The following ELF5 variants were observed in gnomAD, a reference collection of about 807,000 sequenced individuals.
The protein encoded by ELF5 is ETS-related transcription factor Elf-5.
A neutral mutation model predicts 38.2 loss-of-function variants in ELF5; 31 were observed. The observed-to-expected ratio is 0.81, with a 90% confidence interval of 0.61 to 1.10. The LOEUF (loss-of-function observed/expected upper bound fraction) is 1.10, where lower values mean the gene tolerates loss of function less well. Ranked by LOEUF, ELF5 falls within the 50% of genes least tolerant of loss-of-function variation. The probability of loss-of-function intolerance (pLI) is 0.00; values close to 1 mark genes in which losing one functional copy is unlikely to be tolerated. For synonymous variants in ELF5, 121 were observed against 112.5 expected (o/e 1.08, Z -0.48); for missense variants, 300 against 306.6 (o/e 0.98, Z 0.16).
chr11:34,498,600 G>A (rs1195586174), intron 2 of ELF5, among the ~76,000 whole-genome samples: 1 of 152,164 alleles, frequency 6.6e-6, no homozygotes, highest in Non-Finnish European at 1.5e-5. Context: ...CAAGACTCAA[G>A]CTTCTGAAAC....
chr11:34,489,542 A>G lies in ELF5; in HGVS notation c.406+467T>C, dbSNP rs547522422. ...ACAGGGAAGGTTAATCATCAGCATC[A>G]ACAAGGCTATTTGAGATCCTCCATC... On this transcript the variant is annotated intron_variant, in intron 4 of 6. Coordinates refer to ENST00000257832, the MANE Select transcript of ELF5 (RefSeq NM_001422.4). Among the ~76,000 whole-genome samples, 6 of 152,332 alleles carry G rather than the reference A, an allele frequency of 3.9e-5. No individual in the cohort carries two copies. The South Asian group carries it at 1.2e-3, about 32-fold the overall frequency.
chr11:34,513,584 G>A (rs10836251), intron 1 of ELF5, 93 bp downstream of exon 1: 32,614 of 152,472 alleles, frequency 0.21, 3,805 homozygotes, highest in African/African-American at 0.26. Context: ...CCCTGGAGCT[G>A]GAGATGGACG....
At chr11:34,511,798 C>T in intron 1 of ELF5, 1 of 554,728 alleles carries the variant, frequency 1.8e-6, no homozygotes, top group Non-Finnish European at 3.2e-6. Context: ...AACCACTCAG[C>T]CTTGGCCAGT....
In ELF5 at chr11:34,479,934, T is replaced by C. The variant is rs1243115193; in HGVS notation, c.*284A>G. ...TGATCAGCATCAATGGCATGGGCTG[T>C]TGTCATTCCACAACTCTAGGAAAAT... is the stretch of plus-strand genomic sequence containing the variant. On this transcript the variant is annotated 3_prime_UTR_variant, in exon 7 of 7. Transcript: ENST00000257832. The C allele has an allele frequency of 2.7e-6, 1 of 367,702 alleles. No homozygotes were observed. Among genetic ancestry groups the C allele is most frequent in the East Asian group, 5.8e-5 (1 of 17,158 alleles). The allele number at this position is 367,702 out of a possible 1,614,324, so 22.8% of individuals were successfully genotyped here. A position where few individuals can be genotyped will look rare whatever the true frequency, so the allele number is the denominator to read the frequency against.
intron 4 of ELF5, among the ~76,000 whole-genome samples, chr11:34,488,234 G>C (rs1168938460): frequency 6.6e-6 from 1 of 151,964 alleles, no homozygotes; most frequent in Non-Finnish European, 1.5e-5. Context: ...CTCAAATAGT[G>C]CTCATCACCA....
intron 4 of ELF5, among the ~76,000 whole-genome samples, chr11:34,483,591 T>G (rs745510270): frequency 2.0e-5 from 3 of 152,024 alleles, no homozygotes; most frequent in Non-Finnish European, 4.4e-5. Flanking sequence ...TATACTGTAC[T>G]ATACCACACC....
intron 2 of ELF5, among the ~76,000 whole-genome samples, chr11:34,500,196 C>T (rs1284766196): frequency 1.3e-5 from 2 of 152,084 alleles, no homozygotes; most frequent in Non-Finnish European, 2.9e-5. Context: ...AGAGGAGGCC[C>T]GAGTTAGACA....
intron 4 of ELF5, among the ~76,000 whole-genome samples, chr11:34,488,528 G>A (rs781143325): frequency 1.4e-4 from 21 of 152,172 alleles, no homozygotes; most frequent in Non-Finnish European, 2.9e-4. Context: ...ACAGGGCCTG[G>A]TTCATAGGAA....
chr11:34,502,287 C>A (rs1850491552), intron 2 of ELF5, among the ~76,000 whole-genome samples: 1 of 152,226 alleles, frequency 6.6e-6, no homozygotes, highest in Non-Finnish European at 1.5e-5. Flanking sequence ...TTTAGGAGGG[C>A]CCAGAATTCC....
chr11:34,504,223 C>T (rs1850547824), intron 2 of ELF5, among the ~76,000 whole-genome samples: 1 of 152,246 alleles, frequency 6.6e-6, no homozygotes, highest in Non-Finnish European at 1.5e-5. Flanking sequence ...TTTCCTCCTT[C>T]AGATTTAACC....
At chr11:34,487,505 C>A (rs778748266) in intron 4 of ELF5, among the ~76,000 whole-genome samples, 5 of 152,220 alleles carry the variant, frequency 3.3e-5, no homozygotes, top group Non-Finnish European at 7.3e-5. Flanking sequence ...CTGACCCAGA[C>A]AATAGCAGCC....
chr11:34,496,687 C>T (rs1243086510), intron 2 of ELF5, among the ~76,000 whole-genome samples: 3 of 152,222 alleles, frequency 2.0e-5, no homozygotes, highest in African/African-American at 7.2e-5. Context: ...AGCTTTTGCT[C>T]GCCCTGAACC....
intron 1 of ELF5, among the ~76,000 whole-genome samples, chr11:34,507,814 C>T (rs959666057): frequency 3.9e-5 from 6 of 152,208 alleles, no homozygotes; most frequent in Non-Finnish European, 7.3e-5. Context: ...CAAGATCACA[C>T]CACTGGTAAG....
intron 1 of ELF5, among the ~76,000 whole-genome samples, chr11:34,508,710 G>C (rs1481964755): frequency 6.6e-6 from 1 of 152,134 alleles, no homozygotes; most frequent in Non-Finnish European, 1.5e-5. Context: ...TGAGTACCAC[G>C]TGTTGGAAGA....
At chr11:34,502,337 A>G (rs34137816) in intron 2 of ELF5, among the ~76,000 whole-genome samples, 6,446 of 152,248 alleles carry the variant, frequency 0.042, 162 homozygotes, top group Middle Eastern at 0.13. Flanking sequence ...ACCTCAGGAG[A>G]GGTATCTCAG....
At chr11:34,489,458 T>C (rs559384579) in intron 4 of ELF5, among the ~76,000 whole-genome samples, 1 of 152,290 alleles carries the variant, frequency 6.6e-6, no homozygotes, top group Non-Finnish European at 1.5e-5. Context: ...ATTGTCATCT[T>C]TGAAAAATGA....
chr11:34,511,811 G>C (rs1190298877), intron 1 of ELF5: 1 of 537,656 alleles, frequency 1.9e-6, no homozygotes, highest in African/African-American at 1.9e-5. Flanking sequence ...TGGCCAGTTT[G>C]CCAGAGGAGG....
chr11:34,482,518 T>C lies in ELF5; in HGVS notation c.407-19A>G, dbSNP rs1856965942. On this transcript the variant is annotated intron_variant, in intron 4 of 6. Coordinates refer to ENST00000257832, the MANE Select transcript of ELF5 (RefSeq NM_001422.4). ...TCAGCATCTGAAATAGAATAATTTATAGCAGTGGAAAGGGATATAGAGGCC... is the reference window on the plus strand; with the variant it reads ...TCAGCATCTGAAATAGAATAATTTACAGCAGTGGAAAGGGATATAGAGGCC... 1 of 1,606,022 alleles carries C rather than the reference T, an allele frequency of 6.2e-7. No homozygotes were observed. The highest frequency in any genetic ancestry group is 8.5e-7 in the Non-Finnish European group (1 of 1,175,748).
chr11:34,484,472 CACTATACTAACTATACTATACTAT>C (rs1413043752), intron 4 of ELF5, among the ~76,000 whole-genome samples: 34 of 93,068 alleles, frequency 3.7e-4, no homozygotes, highest in South Asian at 3.2e-3. Flanking sequence ...TACTGTGCTA[CACTATACTAACTATACTATACTAT>C]ACTATACTAT....
Sources: allele counts gnomAD v4.1 joint callset (sites outside exome capture counted in the v4.1 genomes callset), GRCh38; gene constraint gnomAD v4.1.1; transcripts MANE v1.5; gene names NCBI Gene and HGNC (gene_info 2026-07-23, HGNC 2026-07-21).